NR1H4: variants seen among roughly 807,000 people sequenced by gnomAD.
The protein encoded by NR1H4 is bile acid receptor.
Under a neutral mutation model 58.5 loss-of-function variants are expected in NR1H4, and 23 were observed. The ratio of observed to expected loss-of-function variants is 0.39; its 90% CI spans 0.28 to 0.56. NR1H4 has a LOEUF of 0.56. NR1H4 is among the 20% of genes least tolerant of loss of function. The pLI is 0.58. For missense variants in NR1H4, 487 were observed against 576.9 expected (o/e 0.84, Z 1.60); for synonymous variants, 214 against 198.0 (o/e 1.08, Z -0.68).
At position 100,506,989 on chromosome 12, in the gene NR1H4, C is replaced by G. The variant is rs554897731; in HGVS notation, c.80-3789C>G. On this transcript the variant is annotated intron_variant, in intron 3 of 10. Transcript: ENST00000392986. ...CTTGACTTGGGACTCCTTTGTATTT[C>G]TTGATTATGAAAATAATTGTTTTGT... is the stretch of plus-strand genomic sequence containing the variant. Among the ~76,000 whole-genome samples the G allele has an allele frequency of 7.9e-5, 12 of 152,134 alleles. 1 individual carries two copies. The highest frequency in any genetic ancestry group is 2.9e-4 in the African/African-American group (12 of 41,498).
intron 3 of NR1H4, among the ~76,000 whole-genome samples, chr12:100,500,250 A>G (rs17030234): frequency 0.017 from 2,654 of 152,240 alleles, 59 homozygotes; most frequent in African/African-American, 0.054. Context: ...TCTGCTGACC[A>G]TGTCTGTTCT....
chr12:100,482,043 A>G (rs1953393345), intron 1 of NR1H4, among the ~76,000 whole-genome samples: 2 of 152,194 alleles, frequency 1.3e-5, no homozygotes, highest in Admixed American at 6.5e-5. Flanking sequence ...TCAAGACTGC[A>G]GCGAGCTAAG....
chr12:100,559,064 G>A lies in NR1H4; in HGVS notation c.1079-2821G>A, dbSNP rs544897365. On this transcript the variant is annotated intron_variant, in intron 9 of 10. Transcript: ENST00000392986. ...GAATAGTTAGATAGGCAGGGGACAG[G>A]TCCTAGAGGCTCCTACGTTAAAAGG... is the stretch of plus-strand genomic sequence containing the variant. Among the ~76,000 whole-genome samples the A allele has an allele frequency of 1.5e-3, 223 of 152,352 alleles. 5 individuals carry two copies. The South Asian group carries it at 0.043, about 30-fold the overall frequency.
chr12:100,499,393 A>G (rs1367166690), intron 3 of NR1H4, among the ~76,000 whole-genome samples: 1 of 152,228 alleles, frequency 6.6e-6, no homozygotes, highest in African/African-American at 2.4e-5. Flanking sequence ...TCTTCTCCAC[A>G]GCTCTTCCAT....
At chr12:100,562,310 A>G (rs1029762909) in intron 10 of NR1H4, among the ~76,000 whole-genome samples, 1 of 152,230 alleles carries the variant, frequency 6.6e-6, no homozygotes, top group Non-Finnish European at 1.5e-5. Flanking sequence ...TGAGAAAGAT[A>G]ATAAATGAAG....
intron 1 of NR1H4, among the ~76,000 whole-genome samples, chr12:100,486,426 A>G (rs1953493527): frequency 6.6e-6 from 1 of 152,196 alleles, no homozygotes; most frequent in South Asian, 2.1e-4. Flanking sequence ...AGGAAGCATC[A>G]ATCAACAAAC....
At chr12:100,552,755 T>C (rs1214060006) in intron 9 of NR1H4, among the ~76,000 whole-genome samples, 1 of 151,990 alleles carries the variant, frequency 6.6e-6, no homozygotes, top group African/African-American at 2.4e-5. Context: ...AGTCCCTGTC[T>C]CTACAAAAAA....
intron 9 of NR1H4, among the ~76,000 whole-genome samples, chr12:100,559,246 C>T (rs976608958): frequency 2.6e-5 from 4 of 152,218 alleles, no homozygotes; most frequent in Non-Finnish European, 4.4e-5. Context: ...CGCTTGCTCT[C>T]GGCACCTCCT....
rs1184358872 is a variant in NR1H4 at position 100,540,662 on chromosome 12, C to G, written c.932-10C>G. ...TCCTTGATACCAATTTGATTATCAT[C>G]ATTACCTAGGATTTCAGACTTTGGA... On this transcript the variant is annotated splice_polypyrimidine_tract_variant and intron_variant, in intron 8 of 10. Coordinates refer to ENST00000392986, the MANE Select transcript of NR1H4 (RefSeq NM_001206979.2). 6 of 1,613,642 alleles carry G rather than the reference C, an allele frequency of 3.7e-6. No individual in the cohort carries two copies. The highest frequency in any genetic ancestry group is 5.1e-6 in the Non-Finnish European group (6 of 1,179,666).
intron 3 of NR1H4, among the ~76,000 whole-genome samples, chr12:100,494,793 A>T (rs1277925223): frequency 6.6e-6 from 1 of 152,234 alleles, no homozygotes; most frequent in East Asian, 1.9e-4. Flanking sequence ...AATTAGGACT[A>T]TTGGCACATA....
At chr12:100,512,904 A>G (rs906261837) in intron 4 of NR1H4, among the ~76,000 whole-genome samples, 3 of 152,246 alleles carry the variant, frequency 2.0e-5, no homozygotes, top group African/African-American at 7.2e-5. Context: ...AGATCGGCTC[A>G]AGGACATTTC....
chr12:100,475,358 A>C (rs765845221), intron 1 of NR1H4, among the ~76,000 whole-genome samples: 8 of 152,142 alleles, frequency 5.3e-5, no homozygotes, highest in Non-Finnish European at 1.2e-4. Context: ...AGGATGTTGC[A>C]ACAAATACTG....
At chr12:100,532,807 G>GT (rs1203430644) in intron 5 of NR1H4, among the ~76,000 whole-genome samples, 197 bp downstream of exon 5, 4 of 151,934 alleles carry the variant, frequency 2.6e-5, no homozygotes, top group African/African-American at 4.8e-5. Flanking sequence ...AAAGAAATGG[G>GT]TTTTTTTTGT....
intron 9 of NR1H4, among the ~76,000 whole-genome samples, chr12:100,560,875 C>T (rs929219805): frequency 1.3e-5 from 2 of 152,080 alleles, no homozygotes; most frequent in East Asian, 3.9e-4. Context: ...AAGCCACAGG[C>T]CTGGGTGCCT....
chr12:100,548,002 G>A (rs112487931), intron 9 of NR1H4, among the ~76,000 whole-genome samples: 1 of 150,760 alleles, frequency 6.6e-6, no homozygotes, highest in African/African-American at 2.4e-5. Flanking sequence ...TTACAGGCTT[G>A]AGCCACCGCA....
chr12:100,485,086 G>A (rs1593038376), intron 1 of NR1H4, among the ~76,000 whole-genome samples: 1 of 152,272 alleles, frequency 6.6e-6, no homozygotes, highest in East Asian at 1.9e-4. Flanking sequence ...GAGCATTACA[G>A]GTATTATAGA....
intron 5 of NR1H4, among the ~76,000 whole-genome samples, chr12:100,533,581 C>T (rs1186516434): frequency 6.6e-6 from 1 of 152,184 alleles, no homozygotes; most frequent in Non-Finnish European, 1.5e-5. Context: ...ATAGGGGCTG[C>T]TGCTGGAATC....
At chr12:100,544,007 C>CTT (rs1197760692) in intron 9 of NR1H4, among the ~76,000 whole-genome samples, 1 of 152,094 alleles carries the variant, frequency 6.6e-6, no homozygotes, top group East Asian at 1.9e-4. Context: ...AATCCCAGCA[C>CTT]TTTGGGAGGC....
intron 3 of NR1H4, among the ~76,000 whole-genome samples, chr12:100,502,647 A>C (rs892828269): frequency 1.3e-5 from 2 of 152,326 alleles, no homozygotes; most frequent in Non-Finnish European, 2.9e-5. Context: ...CTCATCTTAC[A>C]ATGGTTCAAC....
Sources: allele counts gnomAD v4.1 joint callset (sites outside exome capture counted in the v4.1 genomes callset), GRCh38; gene constraint gnomAD v4.1.1; transcripts MANE v1.5; gene names NCBI Gene and HGNC (gene_info 2026-07-23, HGNC 2026-07-21).